Variants in MATK observed in about 807,000 individuals in gnomAD.
MATK encodes the protein megakaryocyte-associated tyrosine kinase.
MATK carries 41 observed loss-of-function variants against 59.8 expected under a neutral mutation model. The ratio of observed to expected loss-of-function variants is 0.69; its 90% CI spans 0.53 to 0.89. The LOEUF (loss-of-function observed/expected upper bound fraction) is 0.89, where lower values mean the gene tolerates loss of function less well. MATK is among the 40% of genes least tolerant of loss of function. The probability of loss-of-function intolerance (pLI) is 0.00; values close to 1 mark genes in which losing one functional copy is unlikely to be tolerated. For synonymous variants in MATK, 308 were observed against 306.1 expected (o/e 1.01, Z -0.06); for missense variants, 593 against 719.6 (o/e 0.82, Z 2.01).
Position 3,783,182 on chromosome 19 carries a change from A to G in MATK, c.620T>C (p.Leu207Pro). ...CCCGTGTTTCCGCTTTGGTCTCACCAGCTTGGTGCAGATAGCGCCCTTGTC... is the reference window on the plus strand; with the variant it reads ...CCCGTGTTTCCGCTTTGGTCTCACCGGCTTGGTGCAGATAGCGCCCTTGTC... The part of the protein sequence containing the change: ...SKDKGAICTK[L>P]VRPKRKHGTK... Residue 207 changes from leucine (L) to proline (P), a missense_variant, in exon 7 of 14, where the codon CTG becomes CCG. Leu to Pro is a moderately conservative substitution (Grantham distance 98). Coordinates refer to ENST00000310132, the MANE Select transcript of MATK (RefSeq NM_139355.3). The G allele has an allele frequency of 6.2e-7, 1 of 1,614,078 alleles. No homozygotes were observed. Among genetic ancestry groups the G allele is most frequent in the South Asian group, 1.1e-5 (1 of 91,086 alleles).
At chr19:3,780,787 GT>G (rs1195121135) in intron 8 of MATK, among the ~76,000 whole-genome samples, 1 of 151,586 alleles carries the variant, frequency 6.6e-6, no homozygotes, top group Non-Finnish European at 1.5e-5. Flanking sequence ...CCCAGGTAGA[GT>G]GCAGTGGCGT....
At chr19:3,778,675 T>A in intron 12 of MATK, 80 bp from the exon 13 acceptor site, 2 of 1,454,770 alleles carry the variant, frequency 1.4e-6, no homozygotes, top group Non-Finnish European at 1.9e-6. Context: ...GAAGCCCTCC[T>A]GGGTTGACCC....
chr19:3,790,829 G>T (rs1047054855), upstream of MATK, among the ~76,000 whole-genome samples: 2 of 152,092 alleles, frequency 1.3e-5, no homozygotes, highest in Admixed American at 6.6e-5. Context: ...CTCCCTGAAA[G>T]GGCCCCTTGC....
Position 3,784,401 on chromosome 19 carries a change from G to A in MATK, c.183C>T (p.Arg61=). The change falls in exon 4 of 14, where the codon CGC becomes CGT. Residue 61 remains arginine (R), a synonymous_variant. Coordinates refer to ENST00000310132, the MANE Select transcript of MATK (RefSeq NM_139355.3). Reference sequence around the variant, plus strand: ...GGAAGGCCAGCTCCCCTGGCTTGGGGCGGGTGTGCTCGCATTTGGTGATAC... The same window carrying A: ...GGAAGGCCAGCTCCCCTGGCTTGGGACGGGTGTGCTCGCATTTGGTGATAC... ...TQCITKCEHT[R]PKPGELAFRK... 3.1e-6 allele frequency: 5 copies of A among 1,605,886 alleles called. No homozygotes were observed. Among genetic ancestry groups the A allele is most frequent in the Non-Finnish European group, 4.2e-6 (5 of 1,177,746 alleles).
Position 3,783,696 on chromosome 19 carries a change from C to T in MATK, c.582+118G>A, listed in dbSNP as rs2037433280. The stretch of plus-strand genomic sequence containing the variant: ...GGAGGTAGGGATGGTGTCTGCCCAG[C>T]TGCTGGGGAAGGGATGGAGGTCAGG... On this transcript the variant is annotated intron_variant, in intron 6 of 13. Transcript: ENST00000310132. 3 of 892,428 alleles carry T rather than the reference C, an allele frequency of 3.4e-6. No individual in the cohort carries two copies. In the South Asian group the frequency reaches 4.9e-5, roughly 14 times the overall value. The allele number at this position is 892,428 out of a possible 1,614,324, so 55.3% of individuals were successfully genotyped here.
At chr19:3,783,651 G>A (rs923897802) in intron 6 of MATK, among the ~76,000 whole-genome samples, 163 bp downstream of exon 6, 1 of 152,068 alleles carries the variant, frequency 6.6e-6, no homozygotes, top group Non-Finnish European at 1.5e-5. Context: ...GAGCTCAGGG[G>A]GTCCCGGGTG....
In MATK at chr19:3,782,761, C is replaced by T. The variant is rs560820050; in HGVS notation, c.676+365G>A. ...GGGGACTCGCCCTCTGGGAAGGAGG[C>T]GGTCTGATGGGAGGGCCTGAGGCTG... On this transcript the variant is annotated intron_variant, in intron 7 of 13. Transcript: ENST00000310132. 1.1e-3 allele frequency: 295 copies of T among 277,018 alleles called. 1 individual carries two copies. Among genetic ancestry groups the T allele is most frequent in the African/African-American group, 6.3e-3 (282 of 44,584 alleles). The allele number at this position is 277,018 out of a possible 1,614,324, so 17.2% of individuals were successfully genotyped here.
In MATK at chr19:3,778,498, C is replaced by T. The variant is rs772033194; in HGVS notation, c.1284+11G>A. The T allele has an allele frequency of 2.7e-5, 43 of 1,613,738 alleles. No homozygotes were observed. The Admixed American group carries it at 4.7e-4, about 18-fold the overall frequency. On this transcript the variant is annotated intron_variant, in intron 13 of 13. Coordinates refer to ENST00000310132, the MANE Select transcript of MATK (RefSeq NM_139355.3). ...CCCGGAACCCAGTGCCTCCCTGGGA[C>T]CCCCGCTCACCATTTTAGGGTACGG...
intron 8 of MATK, among the ~76,000 whole-genome samples, chr19:3,781,066 A>G (rs1599196163): frequency 6.6e-6 from 1 of 152,302 alleles, no homozygotes; most frequent in East Asian, 1.9e-4. Flanking sequence ...AAACAAATCA[A>G]AAGATGAGTG....
At chr19:3,793,540 A>G (rs1392288567) in intron 1 of MATK, 2 of 152,288 alleles carry the variant, frequency 1.3e-5, no homozygotes, top group Non-Finnish European at 2.9e-5. Context: ...CGTCTCTACT[A>G]AAAATATAAA....
chr19:3,784,907 G>C, intron 2 of MATK, 23 bp from the exon 3 acceptor site: 2 of 1,496,110 alleles, frequency 1.3e-6, no homozygotes, highest in Non-Finnish European at 1.8e-6. Context: ...CAGAGTCCAG[G>C]TGGGAGCTGG....
At chr19:3,793,667 A>G (rs1599207334) in intron 1 of MATK, among the ~76,000 whole-genome samples, 1 of 149,996 alleles carries the variant, frequency 6.7e-6, no homozygotes, top group South Asian at 2.1e-4. Context: ...ACGCCACTGC[A>G]CTCCAGCCTG....
upstream of MATK, among the ~76,000 whole-genome samples, chr19:3,790,781 C>T (rs1390964592): frequency 1.3e-5 from 2 of 152,164 alleles, no homozygotes; most frequent in African/African-American, 4.8e-5. Context: ...TGGGGAAAGC[C>T]TTCCTCAAGG....
intron 1 of MATK, among the ~76,000 whole-genome samples, chr19:3,795,138 C>T (rs918248618): frequency 1.3e-5 from 2 of 151,746 alleles, no homozygotes; most frequent in South Asian, 2.1e-4. Context: ...CCACCACACC[C>T]GCCTAATTTT....
chr19:3,798,136 T>G (rs1363611171), intron 1 of MATK, among the ~76,000 whole-genome samples: 1 of 152,218 alleles, frequency 6.6e-6, no homozygotes, highest in African/African-American at 2.4e-5. Context: ...CTCTATGAGC[T>G]CTCCGAGGAT....
intron 1 of MATK, among the ~76,000 whole-genome samples, chr19:3,796,555 T>C (rs1029325966): frequency 2.0e-5 from 3 of 152,212 alleles, no homozygotes; most frequent in Admixed American, 6.5e-5. Flanking sequence ...TGCTTTTTTA[T>C]TTCCCTGGAG....
intron 1 of MATK, among the ~76,000 whole-genome samples, chr19:3,798,669 C>A (rs2037616428): frequency 7.7e-6 from 1 of 129,582 alleles, no homozygotes; most frequent in African/African-American, 2.9e-5. Flanking sequence ...TGCCACCAAG[C>A]CTGGCTAATT....
intron 1 of MATK, among the ~76,000 whole-genome samples, chr19:3,798,950 C>T (rs1238559911): frequency 6.6e-6 from 1 of 151,650 alleles, no homozygotes; most frequent in African/African-American, 2.4e-5. Flanking sequence ...GGACTATAGG[C>T]ATGCATCATC....
At chr19:3,780,925 C>T (rs903666215) in intron 8 of MATK, among the ~76,000 whole-genome samples, 11 of 150,320 alleles carry the variant, frequency 7.3e-5, no homozygotes, top group African/African-American at 2.0e-4. Flanking sequence ...ATGGGGGTCT[C>T]GCTACGTTGT....
Sources: allele counts gnomAD v4.1 joint callset (sites outside exome capture counted in the v4.1 genomes callset), GRCh38; gene constraint gnomAD v4.1.1; transcripts MANE v1.5; gene names NCBI Gene and HGNC (gene_info 2026-07-23, HGNC 2026-07-21).